Variants in CAMK4 observed in about 807,000 individuals in gnomAD.
The protein encoded by CAMK4 is calcium/calmodulin-dependent protein kinase type IV.
In CAMK4, 22 loss-of-function variants were observed where a neutral mutation model predicts 44.9. The ratio of observed to expected loss-of-function variants is 0.49; its 90% CI spans 0.35 to 0.70. CAMK4 has a LOEUF of 0.70. Ranked by LOEUF, CAMK4 falls within the 30% of genes least tolerant of loss-of-function variation. The pLI, the probability that CAMK4 is intolerant of heterozygous loss-of-function variation, is 0.01. For missense variants in CAMK4, 498 were observed against 586.8 expected (o/e 0.85, Z 1.56); for synonymous variants, 218 against 215.4 (o/e 1.01, Z -0.11).
intron 5 of CAMK4, among the ~76,000 whole-genome samples, chr5:111,396,437 GT>G (rs1274564643): frequency 2.0e-5 from 3 of 151,814 alleles, no homozygotes; most frequent in Non-Finnish European, 4.4e-5. Context: ...ACCAATTCTG[GT>G]TTCCTAGGTT....
chr5:111,251,241 T>C (rs1294429793), intron 1 of CAMK4, among the ~76,000 whole-genome samples: 1 of 151,954 alleles, frequency 6.6e-6, no homozygotes, highest in Non-Finnish European at 1.5e-5. Flanking sequence ...CTCCACAGTC[T>C]GTTGTGCTCT....
chr5:111,321,723 T>G (rs1748671159), intron 1 of CAMK4, among the ~76,000 whole-genome samples: 1 of 152,182 alleles, frequency 6.6e-6, no homozygotes, highest in Admixed American at 6.6e-5. Flanking sequence ...TGCAGTGTTT[T>G]GACATAGTAT....
chr5:111,398,116 T>C (rs1233236333), intron 5 of CAMK4, among the ~76,000 whole-genome samples: 1 of 152,210 alleles, frequency 6.6e-6, no homozygotes, highest in Non-Finnish European at 1.5e-5. Flanking sequence ...CTCTGCTCTC[T>C]TCCAACCAAT....
intron 2 of CAMK4, among the ~76,000 whole-genome samples, chr5:111,361,984 T>G (rs2045393229): frequency 6.6e-6 from 1 of 152,084 alleles, no homozygotes; most frequent in Non-Finnish European, 1.5e-5. Context: ...ATGCTGCAAT[T>G]GTAGTGCCTT....
In CAMK4 at chr5:111,485,050, A is replaced by G. The variant is rs1755566266; in HGVS notation, c.*584A>G. ...AAGGCCATGAAGCCATATGTCCCTA[A>G]AGCCTGTGTGGAGAATGCTTTATTT... On this transcript the variant is annotated 3_prime_UTR_variant, in exon 11 of 11. Coordinates refer to ENST00000282356, the MANE Select transcript of CAMK4 (RefSeq NM_001744.6). 6.6e-6 allele frequency: 1 copy of G among 152,190 alleles called. No homozygotes were observed. 9.4% of individuals were successfully genotyped at this position (152,190 alleles called of 1,614,324 possible). A position where few individuals can be genotyped will look rare whatever the true frequency, so the allele number is the denominator to read the frequency against.
chr5:111,329,279 T>C (rs1207339892), intron 1 of CAMK4, among the ~76,000 whole-genome samples: 2 of 151,930 alleles, frequency 1.3e-5, no homozygotes, highest in Admixed American at 6.6e-5. Context: ...TCATACTGAA[T>C]GGGCGAAAAC....
chr5:111,273,883 T>G lies in CAMK4; in HGVS notation c.161+49239T>G, dbSNP rs150251459. On this transcript the variant is annotated intron_variant, in intron 1 of 10. Coordinates refer to ENST00000282356, the MANE Select transcript of CAMK4 (RefSeq NM_001744.6). ...ACAGCTATGTATTGTTCTGCAAATT[T>G]GTTAGTCTGTGTGTCCTGCAGGCTC... Among the ~76,000 whole-genome samples the G allele has an allele frequency of 2.6e-3, 401 of 151,732 alleles. 5 individuals are homozygous for G. Among genetic ancestry groups the G allele is most frequent in the East Asian group, 0.018 (94 of 5,172 alleles).
chr5:111,474,397 C>T (rs551888840), intron 8 of CAMK4, among the ~76,000 whole-genome samples: 15 of 152,186 alleles, frequency 9.9e-5, no homozygotes, highest in Non-Finnish European at 1.6e-4. Context: ...GATGGCCGCC[C>T]TCTCACGGTG....
intron 2 of CAMK4, among the ~76,000 whole-genome samples, chr5:111,346,222 T>A (rs578081723): frequency 2.4e-4 from 36 of 152,044 alleles, no homozygotes; most frequent in African/African-American, 8.4e-4. Context: ...AAATGTTTTC[T>A]TAGAGAATTC....
intron 4 of CAMK4, among the ~76,000 whole-genome samples, chr5:111,391,307 A>G (rs1751788976): frequency 6.6e-6 from 1 of 152,174 alleles, no homozygotes; most frequent in South Asian, 2.1e-4. Context: ...CTTAAGAGCC[A>G]TGAAACTAGA....
rs943320067 is a variant in CAMK4, at chr5:111,386,065, C to T, written c.387-8645C>T. Among the ~76,000 whole-genome samples the T allele has an allele frequency of 2.0e-5, 3 of 152,276 alleles. 1 individual carries two copies. On this transcript the variant is annotated intron_variant, in intron 4 of 10. Transcript: ENST00000282356. The stretch of plus-strand genomic sequence containing the variant: ...TCTTAGTATTTGAATGTAACAGGTG[C>T]TAGTAGTATCTTTGAAACTACTTTT...
At chr5:111,280,372 C>T (rs1453588956) in intron 1 of CAMK4, among the ~76,000 whole-genome samples, 4 of 152,168 alleles carry the variant, frequency 2.6e-5, no homozygotes, top group Non-Finnish European at 5.9e-5. Flanking sequence ...TGCAATGGCT[C>T]AAATTTTTTT....
chr5:111,394,559 T>C, intron 4 of CAMK4, 151 bp from the exon 5 acceptor site: 2 of 557,616 alleles, frequency 3.6e-6, no homozygotes, highest in South Asian at 2.5e-5. Context: ...TTTTAGAGTG[T>C]CAGTTTGTGG....
At chr5:111,473,475 A>G in intron 8 of CAMK4, 89 bp downstream of exon 8, 1 of 856,550 alleles carries the variant, frequency 1.2e-6, no homozygotes, top group South Asian at 1.5e-5. Flanking sequence ...AACCATAAAG[A>G]TTACTTTTTG....
chr5:111,320,921 A>C (rs1275562907), intron 1 of CAMK4, among the ~76,000 whole-genome samples: 1 of 152,192 alleles, frequency 6.6e-6, no homozygotes, highest in Non-Finnish European at 1.5e-5. Context: ...AATTGGTTTT[A>C]GCTTTTCTCT....
At chr5:111,251,658 T>C (rs917664674) in intron 1 of CAMK4, among the ~76,000 whole-genome samples, 1 of 152,234 alleles carries the variant, frequency 6.6e-6, no homozygotes, top group African/African-American at 2.4e-5. Context: ...ATGCTTTTCC[T>C]TTGCTTCTTA....
At chr5:111,391,381 C>T (rs79279799) in intron 4 of CAMK4, among the ~76,000 whole-genome samples, 5,208 of 152,064 alleles carry the variant, frequency 0.034, 114 homozygotes, top group South Asian at 0.063. Context: ...TAAAAATGGA[C>T]GGCAACAGAA....
chr5:111,393,675 T>G (rs936055161), intron 4 of CAMK4, among the ~76,000 whole-genome samples: 2 of 151,934 alleles, frequency 1.3e-5, no homozygotes, highest in Non-Finnish European at 2.9e-5. Flanking sequence ...TGAGAATACA[T>G]GGACACAGAG....
chr5:111,439,525 AG>A (rs1753755196), intron 5 of CAMK4, among the ~76,000 whole-genome samples: 1 of 152,212 alleles, frequency 6.6e-6, no homozygotes, highest in South Asian at 2.1e-4. Context: ...TATCATTTGT[AG>A]GGATTGGGAA....
Sources: gnomAD v4.1 joint callset for allele counts (sites outside exome capture counted in the v4.1 genomes callset) on GRCh38, gnomAD v4.1.1 for gene constraint, MANE v1.5 for transcripts, NCBI Gene and HGNC (gene_info 2026-07-23, HGNC 2026-07-21) for gene names.